Variants in CELF4 observed in about 807,000 individuals in gnomAD.
CELF4 encodes the protein CUG-BP- and ETR-3-like factor 4.
A neutral mutation model predicts 59.9 loss-of-function variants in CELF4; 18 were observed. The observed-to-expected ratio is 0.30, with a 90% confidence interval of 0.21 to 0.45. CELF4 has a LOEUF of 0.45. CELF4 is among the 20% of genes least tolerant of loss of function. The probability of loss-of-function intolerance (pLI) is 1.00; values close to 1 mark genes in which losing one functional copy is unlikely to be tolerated. For synonymous variants in CELF4, 261 were observed against 267.1 expected (o/e 0.98, Z 0.22); for missense variants, 456 against 689.0 (o/e 0.66, Z 3.79).
chr18:37,301,104 T>C (rs1264895478), intron 3 of CELF4, among the ~76,000 whole-genome samples: 1 of 152,072 alleles, frequency 6.6e-6, no homozygotes, highest in Non-Finnish European at 1.5e-5. Flanking sequence ...AGGGGGCAGT[T>C]GTCCAGGAGA....
intron 10 of CELF4, among the ~76,000 whole-genome samples, chr18:37,262,003 C>A (rs2074832910): frequency 6.6e-6 from 1 of 152,140 alleles, no homozygotes; most frequent in Admixed American, 6.5e-5. Flanking sequence ...ACGGCTTTGG[C>A]CAGGCTCCAG....
intron 9 of CELF4, among the ~76,000 whole-genome samples, chr18:37,265,104 AGTGTGTGGGT>A (rs2076837339): frequency 6.8e-6 from 1 of 146,350 alleles, no homozygotes; most frequent in Non-Finnish European, 1.5e-5. Context: ...CATACATGCA[AGTGTGTGGGT>A]GTGTGTGTAC....
chr18:37,372,294 T>A (rs962973722), intron 2 of CELF4, among the ~76,000 whole-genome samples: 3 of 152,214 alleles, frequency 2.0e-5, no homozygotes, highest in African/African-American at 7.2e-5. Context: ...TGGAATACTA[T>A]GCAGCCATAA....
At chr18:37,369,043 G>GA (rs940863299) in intron 2 of CELF4, among the ~76,000 whole-genome samples, 1 of 152,222 alleles carries the variant, frequency 6.6e-6, no homozygotes. Context: ...CCAGAATGGG[G>GA]AGGGGAGGAA....
chr18:37,367,890 T>G (rs2098806635), intron 2 of CELF4, among the ~76,000 whole-genome samples: 1 of 152,136 alleles, frequency 6.6e-6, no homozygotes. Flanking sequence ...CTTTCCTTTG[T>G]GCGATTCCAG....
intron 2 of CELF4, among the ~76,000 whole-genome samples, chr18:37,401,058 G>A (rs1208788499): frequency 6.6e-6 from 1 of 152,190 alleles, no homozygotes; most frequent in Non-Finnish European, 1.5e-5. Flanking sequence ...TTCCTTGGCT[G>A]CTTCTGCTGG....
intron 1 of CELF4, among the ~76,000 whole-genome samples, chr18:37,532,435 G>A (rs2099970293): frequency 6.6e-6 from 1 of 152,204 alleles, no homozygotes; most frequent in Non-Finnish European, 1.5e-5. Flanking sequence ...TGGAGGGATG[G>A]ATGCTATCTT....
intron 2 of CELF4, among the ~76,000 whole-genome samples, chr18:37,373,278 G>C (rs898276685): frequency 2.6e-5 from 4 of 152,172 alleles, no homozygotes; most frequent in South Asian, 2.1e-4. Flanking sequence ...AGCTGGTCTC[G>C]ACTGAGGGTG....
At position 37,441,978 on chromosome 18, in the gene CELF4, A is replaced by C. The variant is rs8097192; in HGVS notation, c.369+43547T>G. ...CCGTGCGTCACCCAAACCGCAAAGA[A>C]CCTAGATGACACAGTGCGTCACCCA... On this transcript the variant is annotated intron_variant, in intron 2 of 12. Transcript: ENST00000420428. Among the ~76,000 whole-genome samples the C allele has an allele frequency of 7.1e-3, 946 of 133,148 alleles. 22 individuals are homozygous for C. Among genetic ancestry groups the C allele is most frequent in the African/African-American group, 0.026 (886 of 34,670 alleles). 87.4% of individuals were successfully genotyped at this position (133,148 alleles called of 152,430 possible).
At chr18:37,497,065 G>A (rs1786814) in intron 1 of CELF4, among the ~76,000 whole-genome samples, 23,224 of 152,156 alleles carry the variant, frequency 0.15, 2,134 homozygotes, top group Middle Eastern at 0.29. Flanking sequence ...CCCAAGGTGG[G>A]TGAGAGGAGT....
chr18:37,366,155 T>C (rs781209723), intron 2 of CELF4, among the ~76,000 whole-genome samples: 9 of 152,322 alleles, frequency 5.9e-5, no homozygotes, highest in Non-Finnish European at 1.3e-4. Flanking sequence ...GTGTACACCA[T>C]GCTGAGGAGG....
At chr18:37,451,379 G>A (rs770322104) in intron 2 of CELF4, among the ~76,000 whole-genome samples, 7 of 152,158 alleles carry the variant, frequency 4.6e-5, no homozygotes, top group African/African-American at 9.7e-5. Flanking sequence ...TGTGTATGCT[G>A]TATGTGTGCA....
chr18:37,389,269 C>T (rs933871397), intron 2 of CELF4, among the ~76,000 whole-genome samples: 1 of 152,174 alleles, frequency 6.6e-6, no homozygotes, highest in African/African-American at 2.4e-5. Context: ...CTTCAAGCAG[C>T]CCAGCCCTTC....
At chr18:37,564,082 C>CTA (rs1273993133) in intron 1 of CELF4, among the ~76,000 whole-genome samples, 1 of 152,144 alleles carries the variant, frequency 6.6e-6, no homozygotes, top group Non-Finnish European at 1.5e-5. Context: ...GTGTTTTCAT[C>CTA]TTTAAAACCA....
intron 2 of CELF4, among the ~76,000 whole-genome samples, chr18:37,366,087 C>T (rs959813441): frequency 6.6e-6 from 1 of 152,174 alleles, no homozygotes; most frequent in Non-Finnish European, 1.5e-5. Flanking sequence ...AGGCCATGAT[C>T]TCTGTCACTG....
intron 2 of CELF4, among the ~76,000 whole-genome samples, chr18:37,410,756 C>T (rs2099441279): frequency 6.6e-6 from 1 of 152,220 alleles, no homozygotes; most frequent in Non-Finnish European, 1.5e-5. Flanking sequence ...CCCGTCACCG[C>T]AGATGCAAGG....
At chr18:37,498,316 C>T (rs1351368328) in intron 1 of CELF4, among the ~76,000 whole-genome samples, 1 of 140,260 alleles carries the variant, frequency 7.1e-6, no homozygotes, top group Non-Finnish European at 1.5e-5. Context: ...CTCCTTTCCC[C>T]TCCCCTCTCC....
At chr18:37,481,091 G>A (rs151301398) in intron 2 of CELF4, among the ~76,000 whole-genome samples, 34 of 152,294 alleles carry the variant, frequency 2.2e-4, no homozygotes, top group African/African-American at 7.5e-4. Flanking sequence ...GCGTGATGGC[G>A]GGACTCTGCA....
intron 1 of CELF4, among the ~76,000 whole-genome samples, chr18:37,560,831 C>G (rs1314467808): frequency 6.6e-6 from 1 of 152,274 alleles, no homozygotes; most frequent in East Asian, 1.9e-4. Flanking sequence ...AACAACGAAC[C>G]ATCTTGGGTA....
Sources: gnomAD v4.1 joint callset for allele counts (sites outside exome capture counted in the v4.1 genomes callset) on GRCh38, gnomAD v4.1.1 for gene constraint, MANE v1.5 for transcripts, NCBI Gene and HGNC (gene_info 2026-07-23, HGNC 2026-07-21) for gene names.